TNFSF4: variants seen among roughly 807,000 people sequenced by gnomAD.
The protein encoded by TNFSF4 is TNF superfamily member 4.
TNFSF4 carries 4 observed loss-of-function variants against 7.3 expected under a neutral mutation model. That is an observed-to-expected ratio of 0.55 (90% confidence interval 0.27 to 1.25). The LOEUF is 1.25. Among genes scored for constraint, TNFSF4 ranks in the 50% most tolerant of loss-of-function variants. TNFSF4 has a pLI of 0.12. For synonymous variants in TNFSF4, 76 were observed against 83.7 expected (o/e 0.91, Z 0.50); for missense variants, 181 against 208.8 (o/e 0.87, Z 0.82).
the TNFSF4 span, among the ~76,000 whole-genome samples, chr1:173,446,504 T>C: frequency 6.6e-6 from 1 of 152,182 alleles, no homozygotes; most frequent in African/African-American, 2.4e-5. Flanking sequence ...GTCAACTTGA[T>C]TGAATTGAAG....
At chr1:173,400,119 A>C in the TNFSF4 span, among the ~76,000 whole-genome samples, 3 of 152,258 alleles carry the variant, frequency 2.0e-5, no homozygotes, top group Non-Finnish European at 2.9e-5. Context: ...CATTTCACAC[A>C]GCATTTTTTC....
the TNFSF4 span, among the ~76,000 whole-genome samples, chr1:173,334,981 G>GC: frequency 5.9e-5 from 9 of 152,146 alleles, no homozygotes; most frequent in East Asian, 1.3e-3. Context: ...GCAGAAATCA[G>GC]AGGAACATGT....
the TNFSF4 span, among the ~76,000 whole-genome samples, chr1:173,336,154 G>C: frequency 6.6e-6 from 1 of 152,172 alleles, no homozygotes; most frequent in Non-Finnish European, 1.5e-5. Flanking sequence ...ACTATGGTGG[G>C]AAAGGCCAAG....
chr1:173,345,221 A>C, the TNFSF4 span, among the ~76,000 whole-genome samples: 3 of 152,248 alleles, frequency 2.0e-5, no homozygotes, highest in Non-Finnish European at 4.4e-5. Flanking sequence ...ATAGGGTCAA[A>C]GAATAAGAGA....
the TNFSF4 span, among the ~76,000 whole-genome samples, chr1:173,419,549 G>T: frequency 6.6e-6 from 1 of 152,074 alleles, no homozygotes; most frequent in Non-Finnish European, 1.5e-5. Flanking sequence ...GTAGAATTCT[G>T]TTACAGCAAT....
chr1:173,212,562 G>A, the TNFSF4 span, among the ~76,000 whole-genome samples: 1 of 150,976 alleles, frequency 6.6e-6, no homozygotes, highest in Non-Finnish European at 1.5e-5. Context: ...GAGGAGGTGG[G>A]GATGGTTAGT....
the TNFSF4 span, among the ~76,000 whole-genome samples, chr1:173,358,834 T>C: frequency 3.9e-5 from 6 of 152,230 alleles, no homozygotes; most frequent in Non-Finnish European, 8.8e-5. Context: ...ATTCCTGTTA[T>C]ACAAGGCACT....
chr1:173,238,046 G>C, the TNFSF4 span, among the ~76,000 whole-genome samples: 5 of 152,088 alleles, frequency 3.3e-5, no homozygotes, highest in African/African-American at 1.2e-4. Flanking sequence ...CATGGTACTG[G>C]TATAAAAACA....
the TNFSF4 span, among the ~76,000 whole-genome samples, chr1:173,173,851 G>C: frequency 6.6e-6 from 1 of 152,198 alleles, no homozygotes; most frequent in Non-Finnish European, 1.5e-5. Context: ...CCTGTGATGG[G>C]AGGGGCTGCC....
chr1:173,330,677 G>A, the TNFSF4 span, among the ~76,000 whole-genome samples: 1 of 152,058 alleles, frequency 6.6e-6, no homozygotes. Context: ...TAGCAATGTG[G>A]TTCCAAAATT....
chr1:173,419,673 C>A, the TNFSF4 span, among the ~76,000 whole-genome samples: 3 of 152,072 alleles, frequency 2.0e-5, no homozygotes, highest in Non-Finnish European at 4.4e-5. Flanking sequence ...TCCACCCTTC[C>A]CTGCAGGGCT....
chr1:173,248,314 C>A, the TNFSF4 span, among the ~76,000 whole-genome samples: 1 of 150,800 alleles, frequency 6.6e-6, no homozygotes, highest in East Asian at 2.0e-4. Context: ...CCAGATTGCA[C>A]CACTGCACTC....
chr1:173,382,900 ACACACACAC>A, the TNFSF4 span, among the ~76,000 whole-genome samples: 9 of 151,810 alleles, frequency 5.9e-5, no homozygotes, highest in Admixed American at 1.3e-4. Flanking sequence ...ACACACACAC[ACACACACAC>A]AAAGGTGCGT....
At chr1:173,275,335 G>GA in the TNFSF4 span, among the ~76,000 whole-genome samples, 1 of 152,108 alleles carries the variant, frequency 6.6e-6, no homozygotes, top group Non-Finnish European at 1.5e-5. Flanking sequence ...TCCACAGAGA[G>GA]AAACTATATT....
At chr1:173,265,288 GA>G in the TNFSF4 span, among the ~76,000 whole-genome samples, 1 of 152,184 alleles carries the variant, frequency 6.6e-6, no homozygotes, top group Admixed American at 6.5e-5. Flanking sequence ...TTAATTTTAA[GA>G]AATAATATGT....
chr1:173,267,679 G>T, the TNFSF4 span, among the ~76,000 whole-genome samples: 5 of 152,240 alleles, frequency 3.3e-5, no homozygotes, highest in Non-Finnish European at 5.9e-5. Flanking sequence ...TAAGCTGTCA[G>T]CCAGGGCTAC....
rs199835957 is a variant in TNFSF4 at position 173,207,098 on chromosome 1, C to T, written c.79G>A (p.Val27Met). The T allele has an allele frequency of 1.1e-3, 1,797 of 1,613,850 alleles. 31 individuals are homozygous for T. In the South Asian group the frequency reaches 0.015, roughly 13 times the overall value. ...PRFERNKLLL[V>M]ASVIQGLGLL... ...CCCAGTCCCTGAATTACAGAGGCCACCAGCAATAGCTTGTTCCTCTCGAAT... is the reference window on the plus strand; with the variant it reads ...CCCAGTCCCTGAATTACAGAGGCCATCAGCAATAGCTTGTTCCTCTCGAAT... Residue 27 changes from valine to methionine, a missense_variant, in exon 1 of 3, where the codon GTG becomes ATG. Val to Met is a conservative substitution (Grantham distance 21). Transcript: ENST00000281834.
chr1:173,325,105 T>A, the TNFSF4 span, among the ~76,000 whole-genome samples: 1 of 152,154 alleles, frequency 6.6e-6, no homozygotes, highest in African/African-American at 2.4e-5. Context: ...ACTGACCACA[T>A]ACTTGGAAGT....
chr1:173,318,920 G>A, the TNFSF4 span, among the ~76,000 whole-genome samples: 1 of 152,170 alleles, frequency 6.6e-6, no homozygotes, highest in Non-Finnish European at 1.5e-5. Context: ...CTGGGCAGTT[G>A]TTTGGGCAGA....
Sources: gnomAD v4.1 joint callset for allele counts (sites outside exome capture counted in the v4.1 genomes callset) on GRCh38, gnomAD v4.1.1 for gene constraint, MANE v1.5 for transcripts, NCBI Gene and HGNC (gene_info 2026-07-23, HGNC 2026-07-21) for gene names.